SH3D19: variants seen among roughly 807,000 people sequenced by gnomAD.
The protein encoded by SH3D19 is SH3 domain containing 19.
SH3D19 carries 58 observed loss-of-function variants against 112.1 expected under a neutral mutation model. That is an observed-to-expected ratio of 0.52 (90% confidence interval 0.42 to 0.64). The LOEUF (loss-of-function observed/expected upper bound fraction) is 0.64. Ranked by LOEUF, SH3D19 falls within the 30% of genes least tolerant of loss-of-function variation. The pLI, the probability that SH3D19 is intolerant of heterozygous loss-of-function variation, is 0.00. For missense variants in SH3D19, 1,090 were observed against 1,263.4 expected, an observed-to-expected ratio of 0.86 and a Z score of 2.08; for synonymous variants, 391 against 448.5, an observed-to-expected ratio of 0.87 and a Z score of 1.62.
At chr4:151,284,128 A>C (rs1359330208) in intron 1 of SH3D19, among the ~76,000 whole-genome samples, 1 of 152,148 alleles carries the variant, frequency 6.6e-6, no homozygotes, top group Non-Finnish European at 1.5e-5. Context: ...TTTCACCAAC[A>C]CTTGGAAATT....
At chr4:151,214,889 GC>G (rs777174767) in intron 2 of SH3D19, among the ~76,000 whole-genome samples, 1 of 146,632 alleles carries the variant, frequency 6.8e-6, no homozygotes, top group Non-Finnish European at 1.5e-5. Context: ...TGGCTGCCGG[GC>G]GGAGGGGCTC....
At chr4:151,281,668 GTTAT>G (rs148514083) in intron 1 of SH3D19, among the ~76,000 whole-genome samples, 65,559 of 150,776 alleles carry the variant, frequency 0.43, 14,991 homozygotes, top group Non-Finnish European at 0.52. Flanking sequence ...CAGAGAACTT[GTTAT>G]TTATTTATTT....
chr4:151,164,431 G>C (rs1486430437), intron 8 of SH3D19, among the ~76,000 whole-genome samples: 1 of 151,898 alleles, frequency 6.6e-6, no homozygotes, highest in Non-Finnish European at 1.5e-5. Flanking sequence ...AATAATTCTG[G>C]CCCTTGTGGC....
chr4:151,179,311 A>G (rs1292458806), intron 4 of SH3D19, 44 bp downstream of exon 4: 2 of 1,097,246 alleles, frequency 1.8e-6, no homozygotes, highest in Non-Finnish European at 2.3e-6. Flanking sequence ...CTTTTACTCA[A>G]TTATTAGTCT....
intron 1 of SH3D19, among the ~76,000 whole-genome samples, chr4:151,252,496 T>C (rs1182876249): frequency 1.3e-5 from 2 of 152,272 alleles, no homozygotes. Context: ...CTCAGTCTCT[T>C]ATTGGTTCTT....
chr4:151,225,742 C>G (rs1036661600), intron 2 of SH3D19, among the ~76,000 whole-genome samples: 1 of 151,890 alleles, frequency 6.6e-6, no homozygotes, highest in South Asian at 2.1e-4. Flanking sequence ...TACAAAAATA[C>G]TGGTTAAAGG....
At chr4:151,162,632 T>C (rs1331186136) in intron 8 of SH3D19, among the ~76,000 whole-genome samples, 1 of 151,068 alleles carries the variant, frequency 6.6e-6, no homozygotes, top group Non-Finnish European at 1.5e-5. Flanking sequence ...TTCGCTCTTG[T>C]TGCCCAAGCT....
chr4:151,270,382 C>T (rs1370276529), intron 1 of SH3D19, among the ~76,000 whole-genome samples: 1 of 152,164 alleles, frequency 6.6e-6, no homozygotes, highest in East Asian at 1.9e-4. Context: ...CTCTTGCTTT[C>T]ACCATGTGAT....
chr4:151,305,554 C>T (rs6837952), intron 1 of SH3D19, among the ~76,000 whole-genome samples: 60,245 of 152,060 alleles, frequency 0.4, 12,598 homozygotes, highest in African/African-American at 0.52. Context: ...ACCATATGAA[C>T]AGATGGTCAA....
intron 2 of SH3D19, among the ~76,000 whole-genome samples, chr4:151,212,994 G>T (rs758621813): frequency 6.6e-6 from 1 of 152,190 alleles, no homozygotes; most frequent in South Asian, 2.1e-4. Context: ...CGTGGAGGAA[G>T]TAACTGCAGA....
At chr4:151,197,537 C>G (rs1763657669) in intron 2 of SH3D19, among the ~76,000 whole-genome samples, 1 of 152,184 alleles carries the variant, frequency 6.6e-6, no homozygotes, top group Non-Finnish European at 1.5e-5. Context: ...ATGCACGTGA[C>G]TATTTGGGAA....
intron 8 of SH3D19, among the ~76,000 whole-genome samples, chr4:151,163,477 A>T (rs886381524): frequency 6.6e-6 from 1 of 152,240 alleles, no homozygotes; most frequent in African/African-American, 2.4e-5. Context: ...TACATTTAAC[A>T]AAGTAATAGC....
chr4:151,229,034 A>ATT (rs1173784673), intron 1 of SH3D19, among the ~76,000 whole-genome samples: 1 of 79,796 alleles, frequency 1.3e-5, no homozygotes, highest in African/African-American at 3.3e-5. Context: ...TAGCTAATTA[A>ATT]ATTTTTTTTT....
chr4:151,254,975 T>G lies in SH3D19; in HGVS notation c.113-28889A>C, dbSNP rs1338764896. On this transcript the variant is annotated intron_variant, in intron 1 of 19. Coordinates refer to ENST00000604030, the MANE Select transcript of SH3D19 (RefSeq NM_001378122.1). ...CTGACGCCCCCACCTCCCTCCCGGATGGGGCGGCTGGCTGGGCAGAGGGGC... is the reference window on the plus strand; with the variant it reads ...CTGACGCCCCCACCTCCCTCCCGGAGGGGGCGGCTGGCTGGGCAGAGGGGC... Among the ~76,000 whole-genome samples, 929 of 133,810 alleles carry G rather than the reference T, an allele frequency of 6.9e-3. 72 individuals carry two copies. The highest frequency in any genetic ancestry group is 1.3e-3 in the Non-Finnish European group (83 of 63,274). The allele number at this position is 133,810 out of a possible 152,430, so 87.8% of individuals were successfully genotyped here.
At chr4:151,164,254 A>G (rs1757616645) in intron 8 of SH3D19, among the ~76,000 whole-genome samples, 1 of 152,232 alleles carries the variant, frequency 6.6e-6, no homozygotes, top group Non-Finnish European at 1.5e-5. Flanking sequence ...CATGCGGGCT[A>G]TGATATAAAG....
At chr4:151,272,058 T>C (rs1467554269) in intron 1 of SH3D19, among the ~76,000 whole-genome samples, 1 of 152,210 alleles carries the variant, frequency 6.6e-6, no homozygotes, top group Non-Finnish European at 1.5e-5. Flanking sequence ...CCCACTCTCT[T>C]GCTTCCAACT....
At chr4:151,198,444 TAA>T (rs11337469) in intron 2 of SH3D19, among the ~76,000 whole-genome samples, 22 of 143,124 alleles carry the variant, frequency 1.5e-4, no homozygotes, top group East Asian at 7.9e-4. Flanking sequence ...AAAATATATA[TAA>T]AAATATATAT....
chr4:151,144,993 C>T (rs558309730), intron 11 of SH3D19, among the ~76,000 whole-genome samples: 51 of 152,276 alleles, frequency 3.3e-4, no homozygotes, highest in African/African-American at 1.2e-3. Flanking sequence ...GCTGCCTGGG[C>T]CTTGGATCAC....
At chr4:151,265,555 A>G (rs1396060707) in intron 1 of SH3D19, among the ~76,000 whole-genome samples, 1 of 131,136 alleles carries the variant, frequency 7.6e-6, no homozygotes, top group Non-Finnish European at 1.6e-5. Context: ...CCTTATATTT[A>G]TTTTATTTCT....
Sources: allele counts gnomAD v4.1 joint callset (sites outside exome capture counted in the v4.1 genomes callset), GRCh38; gene constraint gnomAD v4.1.1; transcripts MANE v1.5; gene names NCBI Gene and HGNC (gene_info 2026-07-23, HGNC 2026-07-21).